The following PTBP2 variants were observed in gnomAD, a reference collection of about 807,000 sequenced individuals.
The protein encoded by PTBP2 is polypyrimidine tract binding protein 2.
Under a neutral mutation model 61.4 loss-of-function variants are expected in PTBP2, and 13 were observed. The observed-to-expected ratio is 0.21, with a 90% CI of 0.14 to 0.34. PTBP2 has a LOEUF of 0.34. PTBP2 is among the 10% of genes least tolerant of loss of function. The pLI, the probability that PTBP2 is intolerant of heterozygous loss-of-function variation, is 1.00. For missense variants in PTBP2, 405 were observed against 642.6 expected, an observed-to-expected ratio of 0.63 and a Z score of 4.00; for synonymous variants, 215 against 218.5, an observed-to-expected ratio of 0.98 and a Z score of 0.14.
At chr1:96,721,974 G>A (rs935374434) in intron 1 of PTBP2, 102 bp downstream of exon 1, 16 of 1,463,372 alleles carry the variant, frequency 1.1e-5, no homozygotes, top group Middle Eastern at 3.9e-4. Flanking sequence ...GCCCCTCCCA[G>A]GGCTGGGCTG....
chr1:96,726,637 C>T (rs751628187), intron 2 of PTBP2, among the ~76,000 whole-genome samples: 34 of 152,102 alleles, frequency 2.2e-4, no homozygotes, highest in Non-Finnish European at 2.9e-4. Context: ...CAGAGTTTCA[C>T]CATGTTAGCC....
intron 2 of PTBP2, among the ~76,000 whole-genome samples, chr1:96,736,460 G>A (rs1383483725): frequency 1.3e-5 from 2 of 152,112 alleles, no homozygotes; most frequent in Non-Finnish European, 2.9e-5. Flanking sequence ...GATTGGAGCT[G>A]TGTTGTCAGT....
At chr1:96,807,486 A>T (rs946121606) in intron 11 of PTBP2, among the ~76,000 whole-genome samples, 2 of 152,172 alleles carry the variant, frequency 1.3e-5, no homozygotes, top group African/African-American at 4.8e-5. Context: ...TTTTAATTAA[A>T]CTTATGTCGT....
At chr1:96,788,414 G>C (rs1456931505) in intron 8 of PTBP2, among the ~76,000 whole-genome samples, 2 of 151,968 alleles carry the variant, frequency 1.3e-5, no homozygotes, top group Non-Finnish European at 2.9e-5. Flanking sequence ...TGAATATTTT[G>C]ATCTCAGTTT....
chr1:96,817,307 T>C (rs1046477119), downstream of PTBP2: 1 of 152,052 alleles, frequency 6.6e-6, no homozygotes, highest in Admixed American at 6.6e-5. Flanking sequence ...GTTTTTTTCA[T>C]TCAGAAGAAA....
chr1:96,754,353 T>C (rs974692734), intron 3 of PTBP2, among the ~76,000 whole-genome samples: 1 of 152,152 alleles, frequency 6.6e-6, no homozygotes, highest in Non-Finnish European at 1.5e-5. Flanking sequence ...ACAACAACTT[T>C]GTATTATGGG....
At chr1:96,753,460 T>G (rs1249070867) in intron 3 of PTBP2, among the ~76,000 whole-genome samples, 3 of 151,948 alleles carry the variant, frequency 2.0e-5, no homozygotes, top group Non-Finnish European at 4.4e-5. Flanking sequence ...AATCAGTAAT[T>G]TAGTTGCCTT....
At chr1:96,779,849 C>A in intron 7 of PTBP2, among the ~76,000 whole-genome samples, 1 of 151,008 alleles carries the variant, frequency 6.6e-6, no homozygotes, top group East Asian at 1.9e-4. Flanking sequence ...CTGGGCTCTA[C>A]TTAGAGAATA....
At chr1:96,740,417 G>A (rs1652844366) in intron 2 of PTBP2, among the ~76,000 whole-genome samples, 1 of 152,074 alleles carries the variant, frequency 6.6e-6, no homozygotes, top group African/African-American at 2.4e-5. Context: ...TTCTCATAAA[G>A]GCATTAATCC....
downstream of PTBP2, chr1:96,815,173 TTCTA>T (rs1189209479): frequency 2.8e-5 from 4 of 141,248 alleles, no homozygotes; most frequent in Admixed American, 3.0e-4. Context: ...AGCTTGTTAA[TTCTA>T]TCTCTTTTGT....
At chr1:96,767,548 T>C (rs776974090) in intron 3 of PTBP2, among the ~76,000 whole-genome samples, 2 of 152,134 alleles carry the variant, frequency 1.3e-5, no homozygotes, top group Admixed American at 1.3e-4. Flanking sequence ...AAGAACAAAT[T>C]ATCAAGTTTC....
rs1029897251 is a variant in PTBP2 at position 96,810,149 on chromosome 1, C to A, written c.1172-2563C>A. 7.2e-5 allele frequency among the ~76,000 whole-genome samples: 11 copies of A among 152,190 alleles called. No homozygotes were observed. The East Asian group carries it at 2.1e-3, about 29-fold the overall frequency. On this transcript the variant is annotated intron_variant, in intron 11 of 13. Transcript: ENST00000674951. ...TTTATTATTCGTTAATAATCTCTTTCATAGATGGATTAAGGGAAATGTAAA... is the reference window on the plus strand; with the variant it reads ...TTTATTATTCGTTAATAATCTCTTTAATAGATGGATTAAGGGAAATGTAAA...
chr1:96,745,899 C>T (rs1484804442), intron 2 of PTBP2, among the ~76,000 whole-genome samples: 2 of 151,946 alleles, frequency 1.3e-5, no homozygotes, highest in Non-Finnish European at 2.9e-5. Flanking sequence ...ACCCCCATCT[C>T]TACTAAAAAT....
Position 96,726,219 on chromosome 1 carries a change from T to G in PTBP2, c.39+2625T>G, listed in dbSNP as rs1188585609. On this transcript the variant is annotated intron_variant, in intron 2 of 13. Transcript: ENST00000674951. ...ATTAATTTATATATTAGCACACATA[T>G]AAACATCTTTATTTACGTGATTGAA... 2.0e-5 allele frequency among the ~76,000 whole-genome samples: 3 copies of G among 151,136 alleles called. No homozygotes were observed. The East Asian group carries it at 5.8e-4, about 29-fold the overall frequency.
At chr1:96,740,868 A>T (rs1652915688) in intron 2 of PTBP2, among the ~76,000 whole-genome samples, 1 of 151,804 alleles carries the variant, frequency 6.6e-6, no homozygotes, top group Non-Finnish European at 1.5e-5. Flanking sequence ...ATTTGACGAG[A>T]TTGATTTGTC....
intron 8 of PTBP2, among the ~76,000 whole-genome samples, chr1:96,792,116 C>T (rs1454628851): frequency 3.3e-5 from 5 of 152,026 alleles, no homozygotes; most frequent in East Asian, 1.9e-4. Context: ...GGATTACGGG[C>T]GTGAGCCACC....
At chr1:96,735,871 A>C (rs35387107) in intron 2 of PTBP2, among the ~76,000 whole-genome samples, 44,371 of 151,988 alleles carry the variant, frequency 0.29, 7,204 homozygotes, top group East Asian at 0.44. Context: ...TTGGTGAGCT[A>C]TATGAGTTCT....
chr1:96,802,203 TC>T (rs539099180), intron 8 of PTBP2, among the ~76,000 whole-genome samples: 2 of 97,172 alleles, frequency 2.1e-5, no homozygotes, highest in South Asian at 8.2e-4. Flanking sequence ...ACAGCGAGAC[TC>T]CGTCTCGAAA....
intron 2 of PTBP2, among the ~76,000 whole-genome samples, chr1:96,746,514 G>A (rs558405850): frequency 1.2e-3 from 179 of 151,938 alleles, no homozygotes; most frequent in African/African-American, 4.1e-3. Context: ...TTGATAAAAT[G>A]TGAGCTTATT....
Sources: allele counts gnomAD v4.1 joint callset (sites outside exome capture counted in the v4.1 genomes callset), GRCh38; gene constraint gnomAD v4.1.1; transcripts MANE v1.5; gene names NCBI Gene and HGNC (gene_info 2026-07-23, HGNC 2026-07-21).